Variants in PIK3C2G observed in about 807,000 individuals in gnomAD.
PIK3C2G encodes the protein phosphatidylinositol-4-phosphate 3-kinase catalytic subunit type 2 gamma, also known as phosphatidylinositol 3-kinase C2 domain-containing subunit gamma.
In PIK3C2G, 168 loss-of-function variants were observed where a neutral mutation model predicts 181.1. The observed-to-expected ratio is 0.93, with a 90% CI of 0.82 to 1.05. The LOEUF is 1.05. Ranked by LOEUF, PIK3C2G falls within the 50% of genes least tolerant of loss-of-function variation. The pLI, the probability that PIK3C2G is intolerant of heterozygous loss-of-function variation, is 0.00. For synonymous variants in PIK3C2G, 573 were observed against 592.2 expected (o/e 0.97, Z 0.47); for missense variants, 1,869 against 1,732.8 (o/e 1.08, Z -1.40).
chr12:18,685,867 C>CACAT, the PIK3C2G span, among the ~76,000 whole-genome samples: 1 of 144,600 alleles, frequency 6.9e-6, no homozygotes, highest in African/African-American at 2.5e-5. Flanking sequence ...CACACACACA[C>CACAT]ACATACAATA....
At chr12:18,326,786 T>C (rs956698053) in intron 8 of PIK3C2G, among the ~76,000 whole-genome samples, 7 of 152,166 alleles carry the variant, frequency 4.6e-5, no homozygotes, top group Non-Finnish European at 1.0e-4. Context: ...CAGGATATAT[T>C]AAGACTTAAT....
chr12:18,262,618 A>G (rs1157590608), intron 1 of PIK3C2G, among the ~76,000 whole-genome samples: 1 of 151,684 alleles, frequency 6.6e-6, no homozygotes, highest in Non-Finnish European at 1.5e-5. Flanking sequence ...AGCTGACAAA[A>G]AAAAAAAAAA....
the PIK3C2G span, among the ~76,000 whole-genome samples, chr12:18,678,967 G>T: frequency 2.0e-5 from 3 of 152,040 alleles, no homozygotes; most frequent in Admixed American, 2.0e-4. Flanking sequence ...AGCAGTGATT[G>T]AGTTCAGTTC....
chr12:18,302,415 G>A (rs570477064), intron 5 of PIK3C2G, among the ~76,000 whole-genome samples: 2 of 152,160 alleles, frequency 1.3e-5, no homozygotes, highest in Non-Finnish European at 2.9e-5. Context: ...AGCAGTGGTG[G>A]TGGTGCCATG....
chr12:18,461,566 A>C (rs1234627429), intron 18 of PIK3C2G, among the ~76,000 whole-genome samples: 1 of 152,230 alleles, frequency 6.6e-6, no homozygotes, highest in Non-Finnish European at 1.5e-5. Context: ...TTCCATTAGC[A>C]ATAAATAAGA....
chr12:18,693,229 G>A, the PIK3C2G span: 2 of 1,561,286 alleles, frequency 1.3e-6, no homozygotes, highest in African/African-American at 2.7e-5. Flanking sequence ...TGCTCGGTCA[G>A]GCTCAACCAC....
intron 5 of PIK3C2G, among the ~76,000 whole-genome samples, chr12:18,310,058 T>A (rs1950576529): frequency 6.6e-6 from 1 of 151,836 alleles, no homozygotes; most frequent in Admixed American, 6.6e-5. Flanking sequence ...TTGAAATTTT[T>A]AAAAGATAAT....
At chr12:18,431,204 A>T (rs1271102511) in intron 18 of PIK3C2G, among the ~76,000 whole-genome samples, 2 of 152,168 alleles carry the variant, frequency 1.3e-5, no homozygotes, top group African/African-American at 4.8e-5. Context: ...AAATATATAT[A>T]TTCTGAACCT....
rs549873452 is a variant in PIK3C2G at position 18,310,368 on chromosome 12, T to C, written c.1035-3594T>C. ...TGAGAGGCTACGTAGTTACGTTTAG[T>C]TTAAAAATAAACTATTTTTAAGAAA... On this transcript the variant is annotated intron_variant, in intron 5 of 32. Transcript: ENST00000538779. Among the ~76,000 whole-genome samples the C allele has an allele frequency of 4.9e-3, 739 of 152,042 alleles. 4 individuals carry two copies. Among genetic ancestry groups the C allele is most frequent in the African/African-American group, 0.017 (704 of 41,556 alleles).
chr12:18,586,221 A>G (rs1299847218), intron 29 of PIK3C2G, among the ~76,000 whole-genome samples: 2 of 152,156 alleles, frequency 1.3e-5, no homozygotes, highest in African/African-American at 4.8e-5. Flanking sequence ...GAAATAACCA[A>G]AATCAGAGCT....
At chr12:18,426,929 T>C (rs1404857742) in intron 18 of PIK3C2G, among the ~76,000 whole-genome samples, 3 of 152,222 alleles carry the variant, frequency 2.0e-5, no homozygotes, top group Admixed American at 1.3e-4. Context: ...CTTCCATGAA[T>C]AGACTCTTAT....
Position 18,562,847 on chromosome 12 carries a change from G to A in PIK3C2G, c.3735G>A (p.Ser1245=). ...QESCLLSTTR[S]IERATILGFS... ...CCTGTTTGCTGAGTACAACTAGGTC[G>A]ATTGAAAGAGCAACAATTTTAGGGT... The change falls in exon 27 of 33, where the codon TCG becomes TCA. Residue 1245 remains serine (S), a synonymous_variant. Coordinates refer to ENST00000538779, the MANE Select transcript of PIK3C2G (RefSeq NM_001288772.2). The A allele has an allele frequency of 1.2e-6, 2 of 1,606,246 alleles. No individual in the cohort carries two copies. Among genetic ancestry groups the A allele is most frequent in the Non-Finnish European group, 8.5e-7 (1 of 1,175,778 alleles).
intron 26 of PIK3C2G, among the ~76,000 whole-genome samples, chr12:18,558,034 A>G (rs2136313819): frequency 6.6e-6 from 1 of 152,282 alleles, no homozygotes; most frequent in South Asian, 2.1e-4. Flanking sequence ...AGGAGGCCAA[A>G]GGGCCTAGAA....
intron 18 of PIK3C2G, among the ~76,000 whole-genome samples, chr12:18,458,165 G>T (rs532149144): frequency 6.6e-6 from 1 of 152,148 alleles, no homozygotes. Context: ...ATGAAGAAAT[G>T]ATAGGGATAG....
chr12:18,338,362 G>A, intron 8 of PIK3C2G, 64 bp from the exon 9 acceptor site: 1 of 1,242,888 alleles, frequency 8.0e-7, no homozygotes, highest in Non-Finnish European at 1.1e-6. Flanking sequence ...AGAAGTTTGA[G>A]GATAAATTAA....
At chr12:18,650,331 C>A (rs79193509), downstream of PIK3C2G, among the ~76,000 whole-genome samples, 61,541 of 89,614 alleles carry the variant, frequency 0.69, 19,631 homozygotes, top group East Asian at 0.74. Context: ...CTCTCTCTCT[C>A]TATATATATA....
At chr12:18,332,547 A>ATGGG (rs1205954388) in intron 8 of PIK3C2G, among the ~76,000 whole-genome samples, 5 of 151,980 alleles carry the variant, frequency 3.3e-5, no homozygotes, top group Non-Finnish European at 7.4e-5. Flanking sequence ...CTGACCTCTA[A>ATGGG]TGGGTATCCA....
chr12:18,442,511 G>A (rs1565727707), intron 18 of PIK3C2G, among the ~76,000 whole-genome samples: 1 of 152,128 alleles, frequency 6.6e-6, no homozygotes, highest in Non-Finnish European at 1.5e-5. Context: ...GATTAGTTGA[G>A]GTGAATTCTT....
chr12:18,346,663 T>G lies in PIK3C2G; in HGVS notation c.1452T>G (p.Thr484=). ...TAGGCTTGATAGAGAAGGTAACAAC[T>G]GAACTATCCACATCCATCTACCAGC... ...SAKGLIEKVT[T]ELSTSIYQLI... The change falls in exon 11 of 33, where the codon ACT becomes ACG. Residue 484 remains threonine (T), a synonymous_variant. Transcript: ENST00000538779. The G allele has an allele frequency of 1.2e-6, 2 of 1,611,632 alleles. No homozygotes were observed. The highest frequency in any genetic ancestry group is 1.7e-6 in the Non-Finnish European group (2 of 1,178,290).
Sources: gnomAD v4.1 joint callset for allele counts (sites outside exome capture counted in the v4.1 genomes callset) on GRCh38, gnomAD v4.1.1 for gene constraint, MANE v1.5 for transcripts, NCBI Gene and HGNC (gene_info 2026-07-23, HGNC 2026-07-21) for gene names.